Variants in RYR2 observed in about 807,000 individuals in gnomAD.
The protein encoded by RYR2 is cardiac muscle ryanodine receptor-calcium release channel.
In RYR2, 227 loss-of-function variants were observed where a neutral mutation model predicts 601.1. The observed-to-expected ratio is 0.38, with a 90% CI of 0.34 to 0.42. The LOEUF (loss-of-function observed/expected upper bound fraction) is 0.42. RYR2 is among the 10% of genes least tolerant of loss of function. The probability of loss-of-function intolerance (pLI) is 1.00; values close to 1 mark genes in which losing one functional copy is unlikely to be tolerated. For synonymous variants in RYR2, 2,223 were observed against 2,175.1 expected, an observed-to-expected ratio of 1.02 and a Z score of -0.61; for missense variants, 4,646 against 6,156.5, an observed-to-expected ratio of 0.75 and a Z score of 8.21.
chr1:237,687,474 G>A lies in RYR2; in HGVS notation c.9037G>A (p.Val3013Ile), dbSNP rs1686529944. ...CTTCAGCCTATTCTGCAAACTTGGA[G>A]TTCTTGTCAGGCATAGGATTTCACT... The part of the protein sequence containing the change: ...MVTSLFCKLG[V>I]LVRHRISLFG... The change falls in exon 63 of 105, where the codon GTT becomes ATT. Residue 3013 changes from valine (V) to isoleucine (I), a missense_variant. By Grantham distance (29) the Val-to-Ile change is conservative. Coordinates refer to ENST00000366574, the MANE Select transcript of RYR2 (RefSeq NM_001035.3). 1 of 1,588,318 alleles carries A rather than the reference G, an allele frequency of 6.3e-7. No individual in the cohort carries two copies. Among genetic ancestry groups the A allele is most frequent in the Admixed American group, 1.7e-5 (1 of 57,816 alleles).
At chr1:237,546,993 A>ATATTTATT (rs71180099) in intron 25 of RYR2, among the ~76,000 whole-genome samples, 21 of 127,394 alleles carry the variant, frequency 1.6e-4, no homozygotes, top group African/African-American at 4.5e-4. Context: ...ATATATATAT[A>ATATTTATT]TATTTATTTA....
chr1:237,765,077 G>C (rs1693745659), intron 84 of RYR2, among the ~76,000 whole-genome samples: 2 of 151,062 alleles, frequency 1.3e-5, no homozygotes, highest in Admixed American at 1.3e-4. Flanking sequence ...AAATGTGTTA[G>C]TTTGTAATAT....
chr1:237,669,225 G>A (rs1435153999), intron 58 of RYR2, among the ~76,000 whole-genome samples: 1 of 150,732 alleles, frequency 6.6e-6, no homozygotes, highest in African/African-American at 2.4e-5. Context: ...TCCCAAGGCA[G>A]AAGAATTTTT....
chr1:237,655,784 A>G (rs1180135855), intron 52 of RYR2, 37 bp from the exon 53 acceptor site: 4 of 1,543,616 alleles, frequency 2.6e-6, no homozygotes, highest in Non-Finnish European at 3.5e-6. Context: ...CTTTTGCCAT[A>G]TAGTAATTTT....
chr1:237,115,828 A>G (rs1038170046), intron 1 of RYR2, among the ~76,000 whole-genome samples: 1 of 152,026 alleles, frequency 6.6e-6, no homozygotes, highest in African/African-American at 2.4e-5. Flanking sequence ...AATCTTTTAA[A>G]TAATTTACTC....
At chr1:237,308,545 C>A (rs550799841) in intron 2 of RYR2, among the ~76,000 whole-genome samples, 1 of 152,060 alleles carries the variant, frequency 6.6e-6, no homozygotes, top group Non-Finnish European at 1.5e-5. Context: ...CGGACCCTTG[C>A]GGTGAGTGTT....
intron 1 of RYR2, among the ~76,000 whole-genome samples, chr1:237,246,986 G>A (rs776586937): frequency 2.0e-5 from 3 of 152,138 alleles, no homozygotes; most frequent in Non-Finnish European, 2.9e-5. Flanking sequence ...ATTTCTTGTG[G>A]TCCTACATAT....
At chr1:237,743,956 C>T (rs1691840971) in intron 80 of RYR2, among the ~76,000 whole-genome samples, 2 of 152,128 alleles carry the variant, frequency 1.3e-5, no homozygotes, top group South Asian at 4.1e-4. Flanking sequence ...ATGTTCTGAC[C>T]TTATCCCTCT....
At chr1:237,345,010 C>T (rs1698171391) in intron 3 of RYR2, among the ~76,000 whole-genome samples, 1 of 151,998 alleles carries the variant, frequency 6.6e-6, no homozygotes, top group Non-Finnish European at 1.5e-5. Flanking sequence ...GGGGTTTCAC[C>T]TTGTTGGCCA....
At chr1:237,324,592 T>C (rs954602816) in intron 2 of RYR2, among the ~76,000 whole-genome samples, 1 of 152,232 alleles carries the variant, frequency 6.6e-6, no homozygotes, top group Admixed American at 6.5e-5. Context: ...GATAAAATTA[T>C]AACTTATTGG....
At chr1:237,595,691 G>C in intron 34 of RYR2, 34 bp downstream of exon 34, 1 of 1,561,352 alleles carries the variant, frequency 6.4e-7, no homozygotes. Flanking sequence ...GTCTTCTAGG[G>C]AGGAAGACTT....
chr1:237,267,251 G>C (rs2149334032), intron 1 of RYR2, among the ~76,000 whole-genome samples: 1 of 152,324 alleles, frequency 6.6e-6, no homozygotes, highest in East Asian at 1.9e-4. Context: ...GGGCGCAGTG[G>C]CCCACGCCTG....
At chr1:237,125,739 T>C (rs1172731993) in intron 1 of RYR2, among the ~76,000 whole-genome samples, 1 of 152,248 alleles carries the variant, frequency 6.6e-6, no homozygotes, top group Non-Finnish European at 1.5e-5. Context: ...AAGTATTACT[T>C]TTTCCTTTCG....
At position 237,590,796 on chromosome 1, in the gene RYR2, C is replaced by A. The variant is rs770433289; in HGVS notation, c.3964C>A (p.Leu1322Ile). 1.2e-6 allele frequency: 2 copies of A among 1,613,892 alleles called. No homozygotes were observed. The highest frequency in any genetic ancestry group is 1.7e-6 in the Non-Finnish European group (2 of 1,179,864). ...EVFSKTVAGG[L>I]PGAGLFGPKN... ...CTTCTCCAAGACGGTGGCTGGAGGG[C>A]TCCCTGGGGCTGGCCTTTTTGGGCC... Residue 1322 changes from leucine (L) to isoleucine (I), a missense_variant, in exon 31 of 105, where the codon CTC becomes ATC. Around this residue, in one of 17 missense-constraint regions of RYR2, gnomAD observed 1,807 missense variants for 2,088.1 expected, o/e 0.87. Transcript: ENST00000366574.
At chr1:237,108,169 G>A (rs571297014) in intron 1 of RYR2, among the ~76,000 whole-genome samples, 1 of 152,220 alleles carries the variant, frequency 6.6e-6, no homozygotes, top group African/African-American at 2.4e-5. Context: ...AATCTCCTGG[G>A]CTCCTTGCCT....
chr1:237,111,541 T>TCGTGC (rs1669475400), intron 1 of RYR2, among the ~76,000 whole-genome samples: 1 of 143,988 alleles, frequency 6.9e-6, no homozygotes, highest in African/African-American at 2.6e-5. Context: ...TGAGCTGAGG[T>TCGTGC]CGTGCCGCTG....
intron 14 of RYR2, among the ~76,000 whole-genome samples, chr1:237,449,748 A>G (rs1049981226): frequency 1.5e-5 from 2 of 133,622 alleles, no homozygotes; most frequent in Non-Finnish European, 3.3e-5. Flanking sequence ...ACAGCATTCT[A>G]GATTGACAAG....
At chr1:237,124,155 G>A (rs1330662296) in intron 1 of RYR2, among the ~76,000 whole-genome samples, 2 of 152,180 alleles carry the variant, frequency 1.3e-5, no homozygotes, top group African/African-American at 4.8e-5. Flanking sequence ...CTTGCCATTG[G>A]CTTATGGATC....
At chr1:237,491,083 G>A (rs577782601) in intron 17 of RYR2, among the ~76,000 whole-genome samples, 1 of 152,192 alleles carries the variant, frequency 6.6e-6, no homozygotes, top group South Asian at 2.1e-4. Context: ...TTCTGATAAT[G>A]AAATTTATTT....
Sources: allele counts gnomAD v4.1 joint callset (sites outside exome capture counted in the v4.1 genomes callset), GRCh38; gene constraint gnomAD v4.1.1; regional missense constraint gnomAD v4.1.1; transcripts MANE v1.5; gene names NCBI Gene and HGNC (gene_info 2026-07-23, HGNC 2026-07-21).